Variants in KATNBL1 observed in about 807,000 individuals in gnomAD.
KATNBL1 encodes the protein katanin regulatory subunit B1 like 1, also known as KATNB1-like protein 1.
Under a neutral mutation model 44.7 loss-of-function variants are expected in KATNBL1, and 28 were observed. The observed-to-expected ratio is 0.63, with a 90% confidence interval of 0.46 to 0.86. The LOEUF is 0.86. KATNBL1 is among the 40% of genes least tolerant of loss of function. KATNBL1 has a pLI of 0.00. For synonymous variants in KATNBL1, 78 were observed against 114.9 expected (o/e 0.68, Z 2.06); for missense variants, 272 against 350.7 (o/e 0.78, Z 1.79).
Position 34,207,971 on chromosome 15 carries a change from A to G in KATNBL1, c.-15+1980T>C, listed in dbSNP as rs1032041020. 2.0e-5 allele frequency among the ~76,000 whole-genome samples: 3 copies of G among 152,186 alleles called. No individual in the cohort carries two copies. In the East Asian group the frequency reaches 5.8e-4, roughly 29 times the overall value. On this transcript the variant is annotated intron_variant, in intron 1 of 9. Transcript: ENST00000256544. ...TTTTCGCAGAAGCTTTACCCAGTTCAGTTCTGCATTCATCCACTGTACTAA... is the reference window on the plus strand; with the variant it reads ...TTTTCGCAGAAGCTTTACCCAGTTCGGTTCTGCATTCATCCACTGTACTAA...
At chr15:34,188,134 A>ATG (rs1889766691) in intron 1 of KATNBL1, among the ~76,000 whole-genome samples, 1 of 112,930 alleles carries the variant, frequency 8.9e-6, no homozygotes, top group Non-Finnish European at 1.8e-5. Context: ...GGAAGACGCC[A>ATG]TGTAAAAAAA....
chr15:34,165,179 G>A (rs1888926454), intron 1 of KATNBL1, among the ~76,000 whole-genome samples: 1 of 152,204 alleles, frequency 6.6e-6, no homozygotes, highest in Non-Finnish European at 1.5e-5. Flanking sequence ...AGAACTGAAA[G>A]GCGTGAAGCA....
chr15:34,200,371 G>A (rs1018465277), intron 1 of KATNBL1, among the ~76,000 whole-genome samples: 2 of 151,134 alleles, frequency 1.3e-5, no homozygotes, highest in East Asian at 3.9e-4. Flanking sequence ...TCGTGCCTCA[G>A]CCTCCTGAGT....
At chr15:34,201,586 G>A (rs1890177114) in intron 1 of KATNBL1, among the ~76,000 whole-genome samples, 1 of 152,136 alleles carries the variant, frequency 6.6e-6, no homozygotes, top group Admixed American at 6.5e-5. Flanking sequence ...GGAAGACTTA[G>A]GACTTCTTAC....
chr15:34,181,057 C>T (rs59586699), intron 1 of KATNBL1, among the ~76,000 whole-genome samples: 5 of 152,142 alleles, frequency 3.3e-5, no homozygotes, highest in Non-Finnish European at 7.3e-5. Flanking sequence ...CCAGTCTTCT[C>T]CTGGTCCTTG....
chr15:34,150,177 G>A (rs1888425941), intron 4 of KATNBL1, among the ~76,000 whole-genome samples: 2 of 152,206 alleles, frequency 1.3e-5, no homozygotes, highest in South Asian at 2.1e-4. Flanking sequence ...AAACCTATTA[G>A]TTAAATGTAA....
chr15:34,178,755 CAAAA>C (rs59061813), intron 1 of KATNBL1, among the ~76,000 whole-genome samples: 1 of 122,670 alleles, frequency 8.2e-6, no homozygotes, highest in Non-Finnish European at 1.7e-5. Flanking sequence ...GACTCTGTCT[CAAAA>C]AAAAAAAAAA....
rs1305493873 is a variant in KATNBL1 at position 34,210,043 on chromosome 15, G to T, written c.-107C>A. On this transcript the variant is annotated 5_prime_UTR_variant, in exon 1 of 10. Transcript: ENST00000256544. ...GAGAGTCCCTCGGCTTCTGGGCCGA[G>T]TCCCACTCAGGGCCATTCAAACGCG... The T allele has an allele frequency of 1.3e-5, 2 of 151,484 alleles. No individual in the cohort carries two copies. The highest frequency in any genetic ancestry group is 2.9e-5 in the Non-Finnish European group (2 of 67,840). The allele number at this position is 151,484 out of a possible 1,614,324, so 9.4% of individuals were successfully genotyped here.
intron 2 of KATNBL1, among the ~76,000 whole-genome samples, chr15:34,157,781 G>A (rs886717049): frequency 6.6e-6 from 1 of 152,254 alleles, no homozygotes; most frequent in African/African-American, 2.4e-5. Flanking sequence ...CACTCTTCCT[G>A]ATGAAGGTGG....
chr15:34,195,899 T>G (rs1393212892), intron 1 of KATNBL1, among the ~76,000 whole-genome samples: 7 of 152,100 alleles, frequency 4.6e-5, no homozygotes, highest in African/African-American at 1.4e-4. Context: ...AAAAGTAACT[T>G]TGTGATTTAT....
At chr15:34,175,255 G>C (rs1302221796) in intron 1 of KATNBL1, among the ~76,000 whole-genome samples, 2 of 151,574 alleles carry the variant, frequency 1.3e-5, no homozygotes, top group African/African-American at 4.9e-5. Flanking sequence ...TATTTTTTCA[G>C]ATTTTGAAAT....
At chr15:34,173,562 G>C (rs564370288) in intron 1 of KATNBL1, among the ~76,000 whole-genome samples, 1 of 151,974 alleles carries the variant, frequency 6.6e-6, no homozygotes, top group Admixed American at 6.6e-5. Context: ...CCAAAAAAAA[G>C]AAAGATAAGA....
At chr15:34,173,953 C>T (rs1370002754) in intron 1 of KATNBL1, among the ~76,000 whole-genome samples, 2 of 152,160 alleles carry the variant, frequency 1.3e-5, no homozygotes, top group African/African-American at 2.4e-5. Flanking sequence ...ACAGGAAGTT[C>T]TCTTTAGCCA....
intron 1 of KATNBL1, among the ~76,000 whole-genome samples, chr15:34,198,752 G>A (rs952272486): frequency 6.6e-6 from 1 of 152,164 alleles, no homozygotes; most frequent in Non-Finnish European, 1.5e-5. Flanking sequence ...TCCTTTTTTA[G>A]GTGTATTTGG....
At chr15:34,203,655 C>T (rs1184248741) in intron 1 of KATNBL1, among the ~76,000 whole-genome samples, 7 of 152,198 alleles carry the variant, frequency 4.6e-5, no homozygotes, top group Admixed American at 4.6e-4. Context: ...GAACCATGTT[C>T]ATTGTACCTA....
chr15:34,197,411 C>A (rs917154067), intron 1 of KATNBL1, among the ~76,000 whole-genome samples: 2 of 152,168 alleles, frequency 1.3e-5, no homozygotes, highest in African/African-American at 4.8e-5. Flanking sequence ...ATTAAATAAT[C>A]CACTTACCAC....
chr15:34,207,036 ACTTT>A (rs1299561799), intron 1 of KATNBL1, among the ~76,000 whole-genome samples: 1 of 122,956 alleles, frequency 8.1e-6, no homozygotes, highest in African/African-American at 2.7e-5. Flanking sequence ...ACTAGACAAT[ACTTT>A]TTTTTTTTTT....
intron 1 of KATNBL1, among the ~76,000 whole-genome samples, chr15:34,171,698 A>G (rs1597444029): frequency 6.6e-6 from 1 of 152,228 alleles, no homozygotes; most frequent in African/African-American, 2.4e-5. Flanking sequence ...AATGTCCATC[A>G]ATGATAAACT....
chr15:34,183,792 T>G (rs1275542164), intron 1 of KATNBL1, among the ~76,000 whole-genome samples: 1 of 152,202 alleles, frequency 6.6e-6, no homozygotes, highest in African/African-American at 2.4e-5. Context: ...AGAGATCAAG[T>G]GATTCCATTT....
Sources: allele counts gnomAD v4.1 joint callset (sites outside exome capture counted in the v4.1 genomes callset), GRCh38; gene constraint gnomAD v4.1.1; transcripts MANE v1.5; gene names NCBI Gene and HGNC (gene_info 2026-07-23, HGNC 2026-07-21).